The following RGL1 variants were observed in gnomAD, a reference collection of about 807,000 sequenced individuals.
RGL1 encodes the protein ral guanine nucleotide dissociation stimulator like 1.
Under a neutral mutation model 95.2 loss-of-function variants are expected in RGL1, and 24 were observed. The observed-to-expected ratio is 0.25, with a 90% CI of 0.18 to 0.35. The LOEUF is 0.35. RGL1 is among the 10% of genes least tolerant of loss of function. The probability of loss-of-function intolerance (pLI) is 1.00; values close to 1 mark genes in which losing one functional copy is unlikely to be tolerated. For missense variants in RGL1, 715 were observed against 936.3 expected, an observed-to-expected ratio of 0.76 and a Z score of 3.08; for synonymous variants, 329 against 344.9, an observed-to-expected ratio of 0.95 and a Z score of 0.51.
intron 5 of RGL1, among the ~76,000 whole-genome samples, chr1:183,883,403 G>T (rs771908757): frequency 6.6e-6 from 1 of 152,148 alleles, no homozygotes; most frequent in Non-Finnish European, 1.5e-5. Context: ...GTTATAAGTC[G>T]CCCAGCAACC....
chr1:183,819,541 A>G (rs569697801), intron 2 of RGL1, among the ~76,000 whole-genome samples: 1 of 152,276 alleles, frequency 6.6e-6, no homozygotes, highest in South Asian at 2.1e-4. Context: ...AAGTTTATGC[A>G]AGAGGTTTTC....
intron 15 of RGL1, among the ~76,000 whole-genome samples, chr1:183,915,327 G>GGA (rs1359891323): frequency 6.6e-6 from 1 of 152,114 alleles, no homozygotes; most frequent in East Asian, 1.9e-4. Flanking sequence ...AAGTCATTCC[G>GGA]GGAAATTCTT....
At chr1:183,665,585 C>T (rs1249129949) in intron 1 of RGL1, among the ~76,000 whole-genome samples, 3 of 152,118 alleles carry the variant, frequency 2.0e-5, no homozygotes, top group Non-Finnish European at 4.4e-5. Context: ...ATTAAGACTG[C>T]CTATTTATCT....
At chr1:183,647,597 TGA>T in intron 1 of RGL1, 1 of 1,498,762 alleles carries the variant, frequency 6.7e-7, no homozygotes, top group African/African-American at 1.4e-5. Context: ...GGCTCAGCCC[TGA>T]GAGAGAAAGT....
intron 9 of RGL1, among the ~76,000 whole-genome samples, chr1:183,897,087 A>G (rs1667745251): frequency 6.6e-6 from 1 of 152,252 alleles, no homozygotes; most frequent in Non-Finnish European, 1.5e-5. Context: ...GAGAAATCAC[A>G]AAATGTACTG....
intron 2 of RGL1, among the ~76,000 whole-genome samples, chr1:183,782,102 T>A (rs1415256011): frequency 6.6e-6 from 1 of 152,196 alleles, no homozygotes; most frequent in African/African-American, 2.4e-5. Flanking sequence ...CAAGTTAATG[T>A]TCACCCTGTG....
chr1:183,696,256 A>G (rs1230231038), intron 1 of RGL1, among the ~76,000 whole-genome samples: 1 of 152,080 alleles, frequency 6.6e-6, no homozygotes, highest in East Asian at 1.9e-4. Flanking sequence ...CCCATCTCAA[A>G]GGCCACTTCT....
chr1:183,890,178 T>C (rs993318847), intron 8 of RGL1, among the ~76,000 whole-genome samples: 1 of 152,166 alleles, frequency 6.6e-6, no homozygotes, highest in African/African-American at 2.4e-5. Context: ...AATGTAGCCT[T>C]ACTCAATTGA....
intron 2 of RGL1, among the ~76,000 whole-genome samples, chr1:183,811,918 TAAAG>T (rs1035822429): frequency 2.0e-5 from 3 of 152,206 alleles, no homozygotes; most frequent in Non-Finnish European, 4.4e-5. Flanking sequence ...TGTGAAATCA[TAAAG>T]AAAAAGCCTC....
At chr1:183,791,858 G>A (rs1660456044) in intron 2 of RGL1, among the ~76,000 whole-genome samples, 1 of 151,960 alleles carries the variant, frequency 6.6e-6, no homozygotes, top group South Asian at 2.1e-4. Flanking sequence ...GATTATTTTT[G>A]TTTTTCCTTC....
chr1:183,651,654 C>T (rs1380448156), intron 1 of RGL1, among the ~76,000 whole-genome samples: 1 of 152,200 alleles, frequency 6.6e-6, no homozygotes, highest in Non-Finnish European at 1.5e-5. Context: ...TTTCTCCTAG[C>T]CTCTGCTGTG....
At chr1:183,894,760 C>T (rs571010759) in intron 9 of RGL1, among the ~76,000 whole-genome samples, 42 of 152,182 alleles carry the variant, frequency 2.8e-4, no homozygotes, top group African/African-American at 8.9e-4. Context: ...AATTCTTGGA[C>T]TCTTAGTTTT....
At chr1:183,781,587 G>C (rs2102356035) in intron 2 of RGL1, among the ~76,000 whole-genome samples, 1 of 152,200 alleles carries the variant, frequency 6.6e-6, no homozygotes, top group African/African-American at 2.4e-5. Flanking sequence ...CATTTCTCGA[G>C]ATTCTTTACA....
intron 1 of RGL1, among the ~76,000 whole-genome samples, chr1:183,729,778 T>C (rs2102226620): frequency 6.6e-6 from 1 of 152,244 alleles, no homozygotes; most frequent in South Asian, 2.1e-4. Context: ...GAATACTACT[T>C]AGTACTGAAA....
chr1:183,731,978 C>G (rs896818588), intron 1 of RGL1, among the ~76,000 whole-genome samples: 1 of 152,156 alleles, frequency 6.6e-6, no homozygotes, highest in African/African-American at 2.4e-5. Flanking sequence ...CTGCCCCATA[C>G]ACACCTCGCA....
intron 1 of RGL1, among the ~76,000 whole-genome samples, chr1:183,725,906 T>C (rs1330141904): frequency 6.6e-6 from 1 of 152,190 alleles, no homozygotes; most frequent in Non-Finnish European, 1.5e-5. Flanking sequence ...GACCACATGC[T>C]TAGCCATTAA....
chr1:183,668,319 G>A (rs1652185862), intron 1 of RGL1, among the ~76,000 whole-genome samples: 1 of 151,924 alleles, frequency 6.6e-6, no homozygotes, highest in Non-Finnish European at 1.5e-5. Context: ...CACAGGGTGT[G>A]GAATTCTAGG....
Position 183,922,206 on chromosome 1 carries a change from T to C in RGL1, c.2005-16T>C. The C allele has an allele frequency of 6.2e-7, 1 of 1,606,428 alleles. No individual in the cohort carries two copies. The highest frequency in any genetic ancestry group is 8.5e-7 in the Non-Finnish European group (1 of 1,173,036). On this transcript the variant is annotated splice_polypyrimidine_tract_variant and intron_variant, in intron 16 of 17. Transcript: ENST00000360851. ...TGAAGCTAAGTACTTTACAAACCTG[T>C]TCATTGTCTTTGCAGTTGACGAGCC...
intron 7 of RGL1, among the ~76,000 whole-genome samples, chr1:183,888,262 A>G (rs1234133695): frequency 6.6e-6 from 1 of 152,194 alleles, no homozygotes; most frequent in African/African-American, 2.4e-5. Context: ...TATTGACGAG[A>G]GAAAAACAAG....
Sources: allele counts gnomAD v4.1 joint callset (sites outside exome capture counted in the v4.1 genomes callset), GRCh38; gene constraint gnomAD v4.1.1; transcripts MANE v1.5; gene names NCBI Gene and HGNC (gene_info 2026-07-23, HGNC 2026-07-21).